Variants in PDE1A observed in about 807,000 individuals in gnomAD.
The protein encoded by PDE1A is phosphodiesterase 1A.
In PDE1A, 35 loss-of-function variants were observed where a neutral mutation model predicts 61.7. That is an observed-to-expected ratio of 0.57 (90% CI 0.43 to 0.75). PDE1A has a LOEUF of 0.75. Ranked by LOEUF, PDE1A falls within the 30% of genes least tolerant of loss-of-function variation. The pLI is 0.00. For missense variants in PDE1A, 597 were observed against 630.6 expected, an observed-to-expected ratio of 0.95 and a Z score of 0.57; for synonymous variants, 232 against 213.2, an observed-to-expected ratio of 1.09 and a Z score of -0.77.
the PDE1A span, among the ~76,000 whole-genome samples, chr2:182,643,403 G>A: frequency 1.3e-5 from 2 of 152,218 alleles, no homozygotes; most frequent in South Asian, 4.1e-4. Flanking sequence ...TTCTCTCTGG[G>A]TCTGGCTCAT....
At chr2:182,679,658 A>G in the PDE1A span, among the ~76,000 whole-genome samples, 1 of 151,586 alleles carries the variant, frequency 6.6e-6, no homozygotes, top group Non-Finnish European at 1.5e-5. Flanking sequence ...GATCATTAAA[A>G]CCCTTCTGAA....
exon 1 of PDE1A, chr2:182,426,645 T>G: frequency 6.2e-7 from 1 of 1,612,440 alleles, no homozygotes; most frequent in Non-Finnish European, 8.5e-7. Context: ...AGGTGAAGGT[T>G]TAACTTCTTC....
chr2:182,265,997 A>G (rs550211827), intron 1 of PDE1A, among the ~76,000 whole-genome samples: 1 of 152,312 alleles, frequency 6.6e-6, no homozygotes, highest in African/African-American at 2.4e-5. Context: ...AGGCAAGTTA[A>G]GAATTTCAGC....
At chr2:182,489,237 GA>G (rs1688225526) in intron 2 of PDE1A, among the ~76,000 whole-genome samples, 1 of 152,188 alleles carries the variant, frequency 6.6e-6, no homozygotes, top group Non-Finnish European at 1.5e-5. Flanking sequence ...TTTAGAAGGA[GA>G]AGCAAGAAAG....
chr2:182,246,042 C>T (rs559687382), intron 2 of PDE1A, among the ~76,000 whole-genome samples: 1 of 152,322 alleles, frequency 6.6e-6, no homozygotes, highest in African/African-American at 2.4e-5. Context: ...GTCTCTTCTT[C>T]CCTCTACAGC....
rs73046062 is a variant in PDE1A, at chr2:182,230,832, T to C, written c.534+183A>G. On this transcript the variant is annotated intron_variant, in intron 5 of 13. Coordinates refer to ENST00000351439, the Ensembl canonical transcript of PDE1A. ...GCCTCATGATCTCTAGGTGGATATATAGATGTGTCAGTGACTTGTGGAGAA... is the reference window on the plus strand; with the variant it reads ...GCCTCATGATCTCTAGGTGGATATACAGATGTGTCAGTGACTTGTGGAGAA... Among the ~76,000 whole-genome samples, 614 of 152,268 alleles carry C rather than the reference T, an allele frequency of 4.0e-3. 7 individuals carry two copies. The highest frequency in any genetic ancestry group is 0.014 in the African/African-American group (592 of 41,550).
At chr2:182,289,033 C>G (rs1244130503) in intron 1 of PDE1A, among the ~76,000 whole-genome samples, 1 of 151,986 alleles carries the variant, frequency 6.6e-6, no homozygotes, top group Non-Finnish European at 1.5e-5. Flanking sequence ...CTATACCACT[C>G]TTCCTCACCT....
chr2:182,291,931 A>G (rs538448710), intron 1 of PDE1A, among the ~76,000 whole-genome samples: 1 of 152,204 alleles, frequency 6.6e-6, no homozygotes, highest in South Asian at 2.1e-4. Flanking sequence ...CCTCCCCTAA[A>G]TATCGTTTTG....
At chr2:182,614,230 T>C in the PDE1A span, among the ~76,000 whole-genome samples, 1 of 152,068 alleles carries the variant, frequency 6.6e-6, no homozygotes, top group Non-Finnish European at 1.5e-5. Flanking sequence ...TTAGGCAGAG[T>C]GGTGTGAAAA....
chr2:182,160,658 T>C (rs932872582), intron 13 of PDE1A, among the ~76,000 whole-genome samples: 1 of 152,124 alleles, frequency 6.6e-6, no homozygotes, highest in Non-Finnish European at 1.5e-5. Context: ...CAGACTGAGA[T>C]GGTCACACTA....
chr2:182,362,413 G>A (rs1035234244), intron 1 of PDE1A, among the ~76,000 whole-genome samples: 5 of 151,874 alleles, frequency 3.3e-5, no homozygotes, highest in Non-Finnish European at 7.4e-5. Flanking sequence ...ACAGGAACAG[G>A]TGATTACAAA....
At chr2:182,693,829 T>C in the PDE1A span, among the ~76,000 whole-genome samples, 1 of 152,198 alleles carries the variant, frequency 6.6e-6, no homozygotes, top group African/African-American at 2.4e-5. Flanking sequence ...GTATTTTTAG[T>C]AGAGACAGCA....
At chr2:182,373,817 G>C (rs948839871) in intron 1 of PDE1A, among the ~76,000 whole-genome samples, 3 of 152,062 alleles carry the variant, frequency 2.0e-5, no homozygotes, top group Admixed American at 2.0e-4. Context: ...GAAATGCTTG[G>C]GGGAGATATA....
At chr2:182,177,044 T>G (rs1692874145) in intron 13 of PDE1A, among the ~76,000 whole-genome samples, 1 of 151,462 alleles carries the variant, frequency 6.6e-6, no homozygotes, top group South Asian at 2.1e-4. Flanking sequence ...GCCCACTTGA[T>G]CATGGTGGAT....
intron 1 of PDE1A, among the ~76,000 whole-genome samples, chr2:182,309,820 T>TGCA (rs2125942725): frequency 6.6e-6 from 1 of 152,240 alleles, no homozygotes; most frequent in Non-Finnish European, 1.5e-5. Flanking sequence ...GTGAAAAAAC[T>TGCA]GCATGTGATT....
At chr2:182,405,897 G>A (rs1702272047) in intron 1 of PDE1A, among the ~76,000 whole-genome samples, 1 of 151,692 alleles carries the variant, frequency 6.6e-6, no homozygotes, top group Non-Finnish European at 1.5e-5. Flanking sequence ...ATTATCATTT[G>A]TCAACTAAAA....
At chr2:182,434,363 C>G (rs1704104621) in intron 2 of PDE1A, among the ~76,000 whole-genome samples, 1 of 152,004 alleles carries the variant, frequency 6.6e-6, no homozygotes, top group East Asian at 1.9e-4. Flanking sequence ...CCATGTTGTT[C>G]TGCTGTAACA....
chr2:182,593,583 T>C, the PDE1A span, among the ~76,000 whole-genome samples: 1 of 152,194 alleles, frequency 6.6e-6, no homozygotes, highest in Admixed American at 6.5e-5. Flanking sequence ...TGTGTTGGAT[T>C]TGAAAAAACT....
chr2:182,597,703 G>A, the PDE1A span, among the ~76,000 whole-genome samples: 4 of 152,154 alleles, frequency 2.6e-5, no homozygotes, highest in African/African-American at 9.7e-5. Context: ...AGTAATATAA[G>A]ACATACTTTG....
Sources: allele counts gnomAD v4.1 joint callset (sites outside exome capture counted in the v4.1 genomes callset), GRCh38; gene constraint gnomAD v4.1.1; transcripts MANE v1.5; gene names NCBI Gene and HGNC (gene_info 2026-07-23, HGNC 2026-07-21).